Variants in AREL1 observed in about 807,000 individuals in gnomAD.
The protein encoded by AREL1 is apoptosis resistant E3 ubiquitin protein ligase 1.
Under a neutral mutation model 99.0 loss-of-function variants are expected in AREL1, and 62 were observed. That is an observed-to-expected ratio of 0.63 (90% CI 0.51 to 0.77). The LOEUF is 0.77. AREL1 is among the 30% of genes least tolerant of loss of function. The probability of loss-of-function intolerance (pLI) is 0.00; values close to 1 mark genes in which losing one functional copy is unlikely to be tolerated. For missense variants in AREL1, 879 were observed against 1,027.6 expected, an observed-to-expected ratio of 0.86 and a Z score of 1.98; for synonymous variants, 380 against 376.5, an observed-to-expected ratio of 1.01 and a Z score of -0.11.
chr14:74,683,629 A>C (rs989556924), intron 4 of AREL1, 96 bp from the exon 5 acceptor site: 6 of 1,088,866 alleles, frequency 5.5e-6, no homozygotes, highest in African/African-American at 1.5e-5. Context: ...GCTGGCAGAG[A>C]CCACACCAGT....
intron 1 of AREL1, chr14:74,698,656 A>C (rs2090020357): frequency 6.5e-6 from 1 of 154,296 alleles, no homozygotes; most frequent in South Asian, 1.8e-4. Context: ...TAAGCAAAGT[A>C]TGGAGGGCAG....
intron 1 of AREL1, among the ~76,000 whole-genome samples, chr14:74,706,568 A>G (rs919891613): frequency 6.6e-6 from 1 of 152,224 alleles, no homozygotes; most frequent in Non-Finnish European, 1.5e-5. Flanking sequence ...GAAACTCAAC[A>G]CTTACCTATT....
intron 5 of AREL1, among the ~76,000 whole-genome samples, chr14:74,682,188 T>C (rs2089645568): frequency 6.6e-6 from 1 of 152,180 alleles, no homozygotes; most frequent in Non-Finnish European, 1.5e-5. Context: ...GAGAGCCACT[T>C]TGTCCAGAGC....
At chr14:74,669,806 T>C (rs375903720) in intron 14 of AREL1, 32 bp from the exon 15 acceptor site, 195 of 1,612,322 alleles carry the variant, frequency 1.2e-4, no homozygotes, top group Non-Finnish European at 1.6e-4. Context: ...GAACAGAACA[T>C]GAATACTCTT....
At chr14:74,672,215 G>A (rs547426675) in intron 11 of AREL1, among the ~76,000 whole-genome samples, 1 of 152,292 alleles carries the variant, frequency 6.6e-6, no homozygotes, top group East Asian at 1.9e-4. Flanking sequence ...GGAGTTCCAA[G>A]GGACCCATTC....
chr14:74,676,083 A>C lies in AREL1; in HGVS notation c.832+58T>G, dbSNP rs1754374223. ...TTTGTGAGGTCAGACAAAAGAGTGC[A>C]AACAGGCAAAGAAACGGCTGAAGAA... On this transcript the variant is annotated intron_variant, in intron 7 of 19. Coordinates refer to ENST00000356357, the MANE Select transcript of AREL1 (RefSeq NM_001039479.2). The C allele has an allele frequency of 1.5e-5, 23 of 1,580,144 alleles. 2 individuals carry two copies. The South Asian group carries it at 2.5e-4, about 17-fold the overall frequency.
chr14:74,678,177 A>G, intron 5 of AREL1: 1 of 454,952 alleles, frequency 2.2e-6, no homozygotes, highest in Non-Finnish European at 4.4e-6. Context: ...GAGTCAGCTT[A>G]CCAATTTCAA....
intron 1 of AREL1, among the ~76,000 whole-genome samples, chr14:74,696,995 A>G (rs1487987654): frequency 1.3e-5 from 2 of 152,068 alleles, no homozygotes; most frequent in African/African-American, 2.4e-5. Flanking sequence ...AAATAAAATA[A>G]ATTAGCTGGG....
intron 5 of AREL1, 123 bp downstream of exon 5, chr14:74,683,173 G>C: frequency 1.4e-6 from 1 of 721,802 alleles, no homozygotes; most frequent in South Asian, 1.9e-5. Flanking sequence ...TACTTTAAAA[G>C]GATGAATTTT....
rs747055254 is a variant in AREL1 at position 74,670,855 on chromosome 14, C to A, written c.1515G>T (p.Gly505=). The A allele has an allele frequency of 8.1e-6, 13 of 1,613,954 alleles. No homozygotes were observed. In the African/African-American group the frequency reaches 1.3e-4, roughly 17 times the overall value. ...TTAGCTCAAACCATTCCCGGCGAGGCCCTCCCCAGTCCAGAGCTGAAAAGC... is the reference window on the plus strand; with the variant it reads ...TTAGCTCAAACCATTCCCGGCGAGGACCTCCCCAGTCCAGAGCTGAAAAGC... ...FQDEEALDWG[G]PRREWFELIC... Residue 505 remains glycine, a synonymous_variant, in exon 13 of 20, where the codon GGG becomes GGT. Coordinates refer to ENST00000356357, the MANE Select transcript of AREL1 (RefSeq NM_001039479.2).
chr14:74,692,147 A>C lies in AREL1; in HGVS notation c.-152T>G. The C allele has an allele frequency of 2.3e-6, 1 of 443,346 alleles. No individual in the cohort carries two copies. The highest frequency in any genetic ancestry group is 1.6e-5 in the South Asian group (1 of 61,720). The allele number at this position is 443,346 out of a possible 1,614,324, so 27.5% of individuals were successfully genotyped here. On this transcript the variant is annotated 5_prime_UTR_variant, in exon 2 of 20. Coordinates refer to ENST00000356357, the MANE Select transcript of AREL1 (RefSeq NM_001039479.2). Reference sequence around the variant, plus strand: ...TTGTCTTCCAACTTCCACATGAAAGAAAAACGCCACAAGGTCAACAGAAAG... The same window carrying C: ...TTGTCTTCCAACTTCCACATGAAAGCAAAACGCCACAAGGTCAACAGAAAG...
Position 74,661,279 on chromosome 14 carries a change from A to G in AREL1, c.*2441T>C. ...AGTTCTTTTAAACATTTATTTATCT[A>G]CTGTACAAAATATTTACATCATCAG... On this transcript the variant is annotated 3_prime_UTR_variant, in exon 20 of 20. Transcript: ENST00000356357. 6.6e-6 allele frequency: 3 copies of G among 456,208 alleles called. No homozygotes were observed. Among genetic ancestry groups the G allele is most frequent in the South Asian group, 4.6e-5 (3 of 64,522 alleles). 28.3% of individuals were successfully genotyped at this position (456,208 alleles called of 1,614,324 possible). A position where few individuals can be genotyped will look rare whatever the true frequency, so the allele number is the denominator to read the frequency against.
At chr14:74,683,655 C>T in intron 4 of AREL1, 122 bp from the exon 5 acceptor site, 1 of 791,792 alleles carries the variant, frequency 1.3e-6, no homozygotes. Context: ...CCAGTACCTA[C>T]CCTGTTCCTC....
chr14:74,684,748 G>C, intron 3 of AREL1, 68 bp from the exon 4 acceptor site: 1 of 1,429,066 alleles, frequency 7.0e-7, no homozygotes, highest in Admixed American at 1.8e-5. Context: ...TATGCAACAG[G>C]CCAGCCATTT....
intron 5 of AREL1, among the ~76,000 whole-genome samples, chr14:74,680,448 T>C (rs2089604433): frequency 6.6e-6 from 1 of 152,196 alleles, no homozygotes; most frequent in African/African-American, 2.4e-5. Context: ...TATTCATACA[T>C]TGCTGGTGGG....
At position 74,674,239 on chromosome 14, in the gene AREL1, A is replaced by G. The variant is rs147091821; in HGVS notation, c.1081-128T>C. 8.1e-4 allele frequency: 584 copies of G among 723,930 alleles called. 2 individuals are homozygous for G. In the Middle Eastern group the frequency reaches 9.5e-3, roughly 12 times the overall value. The allele number at this position is 723,930 out of a possible 1,614,324, so 44.8% of individuals were successfully genotyped here. A position where few individuals can be genotyped will look rare whatever the true frequency, so the allele number is the denominator to read the frequency against. On this transcript the variant is annotated intron_variant, in intron 8 of 19. Coordinates refer to ENST00000356357, the MANE Select transcript of AREL1 (RefSeq NM_001039479.2). ...CCTTTCCTCTCCATGGACAAAAGTAATAATTTAGTGAGTACTAAAGTCAAA... is the reference window on the plus strand; with the variant it reads ...CCTTTCCTCTCCATGGACAAAAGTAGTAATTTAGTGAGTACTAAAGTCAAA...
Position 74,667,334 on chromosome 14 carries a change from A to AGGGACC in AREL1, c.2087_2088insGGTCCC (p.Asp696delinsGluValPro). On this transcript the variant is annotated protein_altering_variant, in exon 17 of 20. Transcript: ENST00000356357. ...AATCACTTACCTCAAGCTCATTCTC[A>AGGGACC]TCAAAAATAGCCAAAAGGTTCTCAG... 1 of 1,614,120 alleles carries AGGGACC rather than the reference A, an allele frequency of 6.2e-7. No individual in the cohort carries two copies. Among genetic ancestry groups the AGGGACC allele is most frequent in the Non-Finnish European group, 8.5e-7 (1 of 1,179,966 alleles).
intron 5 of AREL1, among the ~76,000 whole-genome samples, chr14:74,677,807 G>A (rs1479496116): frequency 6.8e-6 from 1 of 146,260 alleles, no homozygotes; most frequent in African/African-American, 2.5e-5. Flanking sequence ...AGCTAACCCT[G>A]TCTCTTTATT....
At chr14:74,708,096 G>T (rs550480424) in intron 1 of AREL1, among the ~76,000 whole-genome samples, 1 of 152,116 alleles carries the variant, frequency 6.6e-6, no homozygotes, top group South Asian at 2.1e-4. Context: ...TAATAGTATT[G>T]TACCAATGTT....
Sources: allele counts gnomAD v4.1 joint callset (sites outside exome capture counted in the v4.1 genomes callset), GRCh38; gene constraint gnomAD v4.1.1; transcripts MANE v1.5; gene names NCBI Gene and HGNC (gene_info 2026-07-23, HGNC 2026-07-21).